Variants in RELL1 observed in about 807,000 individuals in gnomAD.
The protein encoded by RELL1 is RELT-like protein 1.
A neutral mutation model predicts 23.0 loss-of-function variants in RELL1; 10 were observed. The ratio of observed to expected loss-of-function variants is 0.43; its 90% CI spans 0.27 to 0.74. The LOEUF (loss-of-function observed/expected upper bound fraction) is 0.74, where lower values mean the gene tolerates loss of function less well. Ranked by LOEUF, RELL1 falls within the 30% of genes least tolerant of loss-of-function variation. RELL1 has a pLI of 0.19. For missense variants in RELL1, 315 were observed against 364.4 expected, an observed-to-expected ratio of 0.86 and a Z score of 1.10; for synonymous variants, 146 against 146.8, an observed-to-expected ratio of 0.99 and a Z score of 0.04.
At chr4:37,669,267 A>G (rs192765357) in intron 1 of RELL1, among the ~76,000 whole-genome samples, 3,661 of 93,406 alleles carry the variant, frequency 0.039, 294 homozygotes, top group African/African-American at 0.14. Flanking sequence ...CAGCCGCCCC[A>G]TCCGGGAGGT....
At chr4:37,590,687 A>G (rs1262224607), downstream of RELL1, 2 of 1,614,196 alleles carry the variant, frequency 1.2e-6, no homozygotes, top group Non-Finnish European at 1.7e-6. Flanking sequence ...TTCAAGAACC[A>G]TACTGAGGAT....
intron 1 of RELL1, among the ~76,000 whole-genome samples, chr4:37,683,897 C>T (rs968752170): frequency 6.6e-5 from 10 of 150,386 alleles, no homozygotes; most frequent in African/African-American, 2.4e-4. Flanking sequence ...CTGGCTAACA[C>T]GGTGAAACCC....
intron 1 of RELL1, among the ~76,000 whole-genome samples, chr4:37,668,824 C>G (rs1288952777): frequency 3.4e-5 from 5 of 145,916 alleles, no homozygotes; most frequent in Non-Finnish European, 7.4e-5. Context: ...CGTCTCTCCC[C>G]GGCCGCCCAT....
chr4:37,656,634 A>G (rs1683899251), intron 1 of RELL1, among the ~76,000 whole-genome samples: 1 of 152,358 alleles, frequency 6.6e-6, no homozygotes, highest in East Asian at 1.9e-4. Flanking sequence ...GGGACCTTTA[A>G]GAAGTGCTTG....
chr4:37,668,356 T>C (rs1003110911), intron 1 of RELL1, among the ~76,000 whole-genome samples: 14 of 152,310 alleles, frequency 9.2e-5, no homozygotes, highest in Non-Finnish European at 1.8e-4. Context: ...CCTGCGATTG[T>C]AGGCCCGCGC....
chr4:37,618,038 G>A (rs1719631610), intron 6 of RELL1, among the ~76,000 whole-genome samples: 1 of 152,182 alleles, frequency 6.6e-6, no homozygotes, highest in Admixed American at 6.5e-5. Context: ...AAGTCCTGAA[G>A]GAGCTTAGTG....
intron 6 of RELL1, among the ~76,000 whole-genome samples, chr4:37,603,634 T>C (rs1329973623): frequency 1.3e-5 from 2 of 152,178 alleles, no homozygotes; most frequent in Admixed American, 6.5e-5. Flanking sequence ...AGCCTGGATG[T>C]GAAGACAGAT....
chr4:37,666,986 A>C (rs1190767292), intron 1 of RELL1, among the ~76,000 whole-genome samples: 1 of 152,196 alleles, frequency 6.6e-6, no homozygotes, highest in Non-Finnish European at 1.5e-5. Flanking sequence ...TCCCGGCTGA[A>C]GTCCCCTGGT....
chr4:37,662,890 C>G (rs1457723802), intron 1 of RELL1, among the ~76,000 whole-genome samples: 1 of 152,106 alleles, frequency 6.6e-6, no homozygotes, highest in Non-Finnish European at 1.5e-5. Context: ...CAGAGTATCT[C>G]AAACAATGGT....
At chr4:37,659,485 A>C (rs1431996948) in intron 1 of RELL1, among the ~76,000 whole-genome samples, 1 of 152,140 alleles carries the variant, frequency 6.6e-6, no homozygotes, top group Non-Finnish European at 1.5e-5. Context: ...CATTTCTCAC[A>C]CCCAGTGGGC....
chr4:37,618,679 T>G (rs1440383640), intron 6 of RELL1, among the ~76,000 whole-genome samples: 1 of 152,264 alleles, frequency 6.6e-6, no homozygotes, highest in African/African-American at 2.4e-5. Flanking sequence ...TGAACAACTT[T>G]GGACATTATC....
At chr4:37,668,377 G>C (rs532156895) in intron 1 of RELL1, among the ~76,000 whole-genome samples, 2 of 152,168 alleles carry the variant, frequency 1.3e-5, no homozygotes, top group South Asian at 4.1e-4. Context: ...CGCCACGCCT[G>C]ACTGGTTTTC....
chr4:37,650,452 T>C (rs1720886387), intron 1 of RELL1, among the ~76,000 whole-genome samples: 1 of 152,206 alleles, frequency 6.6e-6, no homozygotes, highest in African/African-American at 2.4e-5. Flanking sequence ...CCCTGCCATC[T>C]TGAGGCTCGT....
intron 6 of RELL1, among the ~76,000 whole-genome samples, chr4:37,621,245 A>T (rs767933336): frequency 3.9e-5 from 6 of 152,164 alleles, no homozygotes; most frequent in Admixed American, 1.3e-4. Context: ...TCACAAGATC[A>T]GGAGATCAAG....
At chr4:37,678,726 C>G (rs1303312824) in intron 1 of RELL1, among the ~76,000 whole-genome samples, 1 of 152,238 alleles carries the variant, frequency 6.6e-6, no homozygotes, top group Non-Finnish European at 1.5e-5. Flanking sequence ...TTACTGTGTG[C>G]CAAGCACTCA....
downstream of RELL1, among the ~76,000 whole-genome samples, chr4:37,607,782 G>T (rs1719268541): frequency 1.3e-5 from 2 of 151,794 alleles, no homozygotes; most frequent in South Asian, 2.1e-4. Flanking sequence ...TAAAGACAAG[G>T]TTTCACCATG....
intron 6 of RELL1, among the ~76,000 whole-genome samples, chr4:37,596,736 A>ATTTT (rs1178565372): frequency 1.2e-4 from 2 of 16,508 alleles, no homozygotes; most frequent in Non-Finnish European, 3.0e-4. Context: ...ATATATATAT[A>ATTTT]TTTTTTTTTT....
intron 6 of RELL1, among the ~76,000 whole-genome samples, chr4:37,619,209 G>C (rs1298472833): frequency 1.4e-5 from 2 of 146,082 alleles, no homozygotes; most frequent in Non-Finnish European, 3.0e-5. Context: ...TTTAGAAGGA[G>C]CCTCGCTCTG....
At chr4:37,598,252 CAAAAAAAAAAAAA>C (rs56142508) in intron 6 of RELL1, among the ~76,000 whole-genome samples, 1,222 of 11,406 alleles carry the variant, frequency 0.11, 98 homozygotes, top group East Asian at 0.45. Context: ...AACTCTGTCT[CAAAAAAAAAAAAA>C]AAAAAAAAAA....
Sources: gnomAD v4.1 joint callset for allele counts (sites outside exome capture counted in the v4.1 genomes callset) on GRCh38, gnomAD v4.1.1 for gene constraint, MANE v1.5 for transcripts, NCBI Gene and HGNC (gene_info 2026-07-23, HGNC 2026-07-21) for gene names.